The following CNTN5 variants were observed in gnomAD, a reference collection of about 807,000 sequenced individuals.
CNTN5 encodes the protein contactin-5.
CNTN5 carries 77 observed loss-of-function variants against 129.1 expected under a neutral mutation model. That is an observed-to-expected ratio of 0.60 (90% CI 0.50 to 0.72). CNTN5 has a LOEUF of 0.72. Ranked by LOEUF, CNTN5 falls within the 30% of genes least tolerant of loss-of-function variation. CNTN5 has a pLI of 0.00. For missense variants in CNTN5, 1,478 were observed against 1,328.8 expected (o/e 1.11, Z -1.75); for synonymous variants, 509 against 465.6 (o/e 1.09, Z -1.20).
chr11:100,005,429 C>T (rs1222013200), intron 9 of CNTN5, among the ~76,000 whole-genome samples: 1 of 152,114 alleles, frequency 6.6e-6, no homozygotes, highest in Non-Finnish European at 1.5e-5. Context: ...CTACCATTCT[C>T]CAACTCTCTT....
At chr11:100,179,945 G>A (rs58009661) in intron 13 of CNTN5, among the ~76,000 whole-genome samples, 2 of 151,944 alleles carry the variant, frequency 1.3e-5, no homozygotes, top group Non-Finnish European at 2.9e-5. Flanking sequence ...AACTTTAGGT[G>A]TAGAACTCCC....
Position 99,288,617 on chromosome 11 carries a change from G to A in CNTN5, c.-209-36729G>A, listed in dbSNP as rs191220684. 2.8e-3 allele frequency among the ~76,000 whole-genome samples: 428 copies of A among 151,790 alleles called. 1 individual carries two copies. The highest frequency in any genetic ancestry group is 4.4e-3 in the Non-Finnish European group (295 of 67,740). Reference sequence around the variant, plus strand: ...ATGACTACAGCTTTAATGTAGTTCTGTTTTTGATTAGTGTAATGTCATTTC... The same window carrying A: ...ATGACTACAGCTTTAATGTAGTTCTATTTTTGATTAGTGTAATGTCATTTC... On this transcript the variant is annotated intron_variant, in intron 1 of 24. Transcript: ENST00000524871.
intron 2 of CNTN5, among the ~76,000 whole-genome samples, chr11:99,434,013 C>G (rs1014826635): frequency 6.6e-6 from 1 of 152,112 alleles, no homozygotes; most frequent in African/African-American, 2.4e-5. Context: ...GTGATTATTA[C>G]TACTGTTTCT....
At chr11:99,181,459 G>A (rs1420576437) in intron 1 of CNTN5, among the ~76,000 whole-genome samples, 1 of 152,168 alleles carries the variant, frequency 6.6e-6, no homozygotes, top group Non-Finnish European at 1.5e-5. Context: ...ATCCAGAAAT[G>A]TTAGCAGGGA....
chr11:100,317,241 T>C (rs1194431134), intron 21 of CNTN5, among the ~76,000 whole-genome samples: 1 of 152,184 alleles, frequency 6.6e-6, no homozygotes, highest in Non-Finnish European at 1.5e-5. Context: ...CCCTGTTCTC[T>C]GACAATAACT....
intron 2 of CNTN5, among the ~76,000 whole-genome samples, chr11:99,334,477 A>G (rs34788849): frequency 6.6e-6 from 1 of 152,144 alleles, no homozygotes; most frequent in Non-Finnish European, 1.5e-5. Flanking sequence ...GTTACCCATA[A>G]ATACGTATAA....
intron 13 of CNTN5, among the ~76,000 whole-genome samples, chr11:100,087,572 A>C (rs767073479): frequency 3.4e-4 from 51 of 151,964 alleles, no homozygotes; most frequent in South Asian, 8.3e-4. Context: ...TCAATTCAAC[A>C]AGAAGACTTA....
intron 1 of CNTN5, among the ~76,000 whole-genome samples, chr11:99,138,931 A>G (rs1859373349): frequency 6.6e-6 from 1 of 152,154 alleles, no homozygotes; most frequent in Non-Finnish European, 1.5e-5. Context: ...ATATGGTAGC[A>G]AAGAAAGTAG....
intron 6 of CNTN5, among the ~76,000 whole-genome samples, chr11:99,880,449 G>A (rs1229136424): frequency 6.6e-6 from 1 of 152,036 alleles, no homozygotes; most frequent in Non-Finnish European, 1.5e-5. Flanking sequence ...TTCACTCGTG[G>A]TTAATGAAAT....
At chr11:99,406,178 G>A (rs1403894899) in intron 2 of CNTN5, among the ~76,000 whole-genome samples, 1 of 151,684 alleles carries the variant, frequency 6.6e-6, no homozygotes, top group Non-Finnish European at 1.5e-5. Context: ...GGGCTTATTT[G>A]CACTCATCCT....
chr11:100,007,760 G>A (rs770565), intron 9 of CNTN5, among the ~76,000 whole-genome samples: 152,037 of 152,106 alleles, frequency 1, 75,984 homozygotes, highest in Middle Eastern at 1. Context: ...TTTTCACTGG[G>A]GTAGCAATTT....
intron 3 of CNTN5, among the ~76,000 whole-genome samples, chr11:99,632,700 C>G (rs629701): frequency 0.6 from 91,758 of 151,980 alleles, 28,525 homozygotes; most frequent in Admixed American, 0.69. Flanking sequence ...GAGTCTAGAT[C>G]TAAATGGTAT....
Position 100,140,278 on chromosome 11 carries a change from T to C in CNTN5, c.1581-50848T>C, listed in dbSNP as rs553790386. ...GTATTTTTCTCCAGCTGTGTTTAAC[T>C]GTATGGGTGCAGGCATAGAGGAGGT... On this transcript the variant is annotated intron_variant, in intron 13 of 24. Coordinates refer to ENST00000524871, the MANE Select transcript of CNTN5 (RefSeq NM_014361.4). Among the ~76,000 whole-genome samples the C allele has an allele frequency of 2.6e-5, 4 of 152,282 alleles. No individual in the cohort carries two copies. In the South Asian group the frequency reaches 8.3e-4, roughly 32 times the overall value.
At chr11:99,734,729 C>A (rs1444173612) in intron 3 of CNTN5, among the ~76,000 whole-genome samples, 2 of 146,370 alleles carry the variant, frequency 1.4e-5, no homozygotes, top group Non-Finnish European at 3.0e-5. Flanking sequence ...TTGCCTGCTT[C>A]CTACTGGAAG....
intron 2 of CNTN5, among the ~76,000 whole-genome samples, chr11:99,430,458 TTA>T (rs140208299): frequency 1.3e-5 from 2 of 149,096 alleles, no homozygotes; most frequent in Admixed American, 6.7e-5. Context: ...TATAAGGCCT[TTA>T]TATATATATA....
intron 13 of CNTN5, among the ~76,000 whole-genome samples, chr11:100,141,955 G>T (rs937777608): frequency 3.9e-5 from 6 of 152,022 alleles, no homozygotes; most frequent in African/African-American, 1.4e-4. Flanking sequence ...AATGTGGATG[G>T]GTACCATTCA....
chr11:99,062,047 A>G (rs1864904278), intron 1 of CNTN5, among the ~76,000 whole-genome samples: 1 of 152,106 alleles, frequency 6.6e-6, no homozygotes, highest in African/African-American at 2.4e-5. Context: ...AATTAAAGCC[A>G]GTGCCTCTTG....
chr11:100,022,637 GT>G (rs1941222146), intron 9 of CNTN5, among the ~76,000 whole-genome samples: 1 of 152,064 alleles, frequency 6.6e-6, no homozygotes, highest in East Asian at 1.9e-4. Context: ...CAAATTCTTT[GT>G]TTAGATAACT....
At chr11:99,061,856 G>A (rs1864892885) in intron 1 of CNTN5, among the ~76,000 whole-genome samples, 1 of 151,936 alleles carries the variant, frequency 6.6e-6, no homozygotes, top group African/African-American at 2.4e-5. Flanking sequence ...GGCGGGCATG[G>A]TGTCACACAT....
Sources: allele counts gnomAD v4.1 joint callset (sites outside exome capture counted in the v4.1 genomes callset), GRCh38; gene constraint gnomAD v4.1.1; transcripts MANE v1.5; gene names NCBI Gene and HGNC (gene_info 2026-07-23, HGNC 2026-07-21).